The following CREB3L2 variants were observed in gnomAD, a reference collection of about 807,000 sequenced individuals.
The protein encoded by CREB3L2 is cyclic AMP-responsive element-binding protein 3-like protein 2.
Under a neutral mutation model 57.2 loss-of-function variants are expected in CREB3L2, and 23 were observed. That is an observed-to-expected ratio of 0.40 (90% confidence interval 0.29 to 0.57). The LOEUF (loss-of-function observed/expected upper bound fraction) is 0.57. Ranked by LOEUF, CREB3L2 falls within the 20% of genes least tolerant of loss-of-function variation. The pLI, the probability that CREB3L2 is intolerant of heterozygous loss-of-function variation, is 0.42. For missense variants in CREB3L2, 628 were observed against 634.7 expected (o/e 0.99, Z 0.11); for synonymous variants, 268 against 265.1 (o/e 1.01, Z -0.11).
intron 1 of CREB3L2, among the ~76,000 whole-genome samples, chr7:137,979,507 C>T (rs935674555): frequency 1.3e-5 from 2 of 152,076 alleles, no homozygotes; most frequent in East Asian, 1.9e-4. Context: ...GGGCGGATCA[C>T]GAGGTCAGGA....
At chr7:137,987,971 C>T (rs1801820195) in intron 1 of CREB3L2, among the ~76,000 whole-genome samples, 1 of 152,242 alleles carries the variant, frequency 6.6e-6, no homozygotes, top group African/African-American at 2.4e-5. Context: ...ATTTAATTCA[C>T]CACACAGCTA....
At chr7:137,939,379 C>T (rs140694561) in intron 1 of CREB3L2, among the ~76,000 whole-genome samples, 2 of 152,228 alleles carry the variant, frequency 1.3e-5, no homozygotes, top group African/African-American at 4.8e-5. Flanking sequence ...GGACTTGGAG[C>T]TCAGATTTCT....
intron 7 of CREB3L2, among the ~76,000 whole-genome samples, chr7:137,903,700 G>A (rs890472633): frequency 6.6e-6 from 1 of 152,222 alleles, no homozygotes; most frequent in African/African-American, 2.4e-5. Flanking sequence ...TTGAAAAGAA[G>A]TCTGTGAGGA....
chr7:137,908,542 T>G (rs1799940829), intron 4 of CREB3L2, 106 bp from the exon 5 acceptor site: 3 of 730,800 alleles, frequency 4.1e-6, no homozygotes, highest in Non-Finnish European at 5.7e-6. Flanking sequence ...TGAGCTGACC[T>G]GGACAGATCT....
intron 2 of CREB3L2, among the ~76,000 whole-genome samples, chr7:137,917,401 T>A (rs1800162119): frequency 6.6e-6 from 1 of 152,212 alleles, no homozygotes; most frequent in Non-Finnish European, 1.5e-5. Context: ...AAGGCAACGT[T>A]CCTTAGCTGA....
At position 137,980,479 on chromosome 7, in the gene CREB3L2, T is replaced by C. The variant is rs1801695057; in HGVS notation, c.102+21125A>G. ...CTGAGTTATGCAAGTGACCACAGGC[T>C]CAGTTAAAAAGGTTCCAAACTGGTG... is the stretch of plus-strand genomic sequence containing the variant. On this transcript the variant is annotated intron_variant, in intron 1 of 11. Transcript: ENST00000330387. The surrounding 1 kb of genome is among the most constrained non-coding windows in gnomAD (Gnocchi z 4.3). Among the ~76,000 whole-genome samples the C allele has an allele frequency of 6.6e-6, 1 of 152,170 alleles. No individual in the cohort carries two copies. Among genetic ancestry groups the C allele is most frequent in the Non-Finnish European group, 1.5e-5 (1 of 68,030 alleles).
chr7:137,950,732 T>C (rs368454659), intron 1 of CREB3L2, among the ~76,000 whole-genome samples: 27 of 152,340 alleles, frequency 1.8e-4, no homozygotes, highest in African/African-American at 6.5e-4. Context: ...AGGTGTAAGC[T>C]AGATCTCAAA....
intron 1 of CREB3L2, among the ~76,000 whole-genome samples, chr7:137,950,900 A>C (rs1230141435): frequency 6.6e-6 from 1 of 152,206 alleles, no homozygotes; most frequent in Non-Finnish European, 1.5e-5. Context: ...GTACAGTCTG[A>C]AGAATAATAC....
intron 4 of CREB3L2, among the ~76,000 whole-genome samples, chr7:137,911,371 T>C (rs1800001707): frequency 6.6e-6 from 1 of 152,246 alleles, no homozygotes; most frequent in Non-Finnish European, 1.5e-5. Context: ...AACCAAATCC[T>C]GAGTTAGTTT....
At chr7:137,905,553 C>T (rs576339503) in intron 6 of CREB3L2, 149 bp downstream of exon 6, 10 of 815,112 alleles carry the variant, frequency 1.2e-5, no homozygotes, top group Non-Finnish European at 2.1e-5. Context: ...GGTGAGGGTG[C>T]TCCTCCCAGG....
intron 8 of CREB3L2, 101 bp downstream of exon 8, chr7:137,901,253 A>G: frequency 3.9e-6 from 3 of 774,850 alleles, no homozygotes; most frequent in Admixed American, 4.2e-5. Flanking sequence ...TTTCACTGTG[A>G]CCTCCTCCAC....
intron 1 of CREB3L2, among the ~76,000 whole-genome samples, chr7:137,977,103 C>T (rs1410248016): frequency 2.6e-5 from 4 of 152,208 alleles, no homozygotes; most frequent in African/African-American, 7.2e-5. Context: ...CACTTAAACA[C>T]GGCCCCTGCC....
intron 8 of CREB3L2, among the ~76,000 whole-genome samples, chr7:137,888,344 A>G (rs913722813): frequency 1.0e-4 from 15 of 149,986 alleles, no homozygotes; most frequent in Non-Finnish European, 1.2e-4. Flanking sequence ...AATTCTACTT[A>G]AAGAAAGTTT....
intron 7 of CREB3L2, among the ~76,000 whole-genome samples, chr7:137,902,792 A>AG (rs1203328565): frequency 1.5e-5 from 1 of 64,812 alleles, no homozygotes; most frequent in African/African-American, 1.1e-4. Flanking sequence ...TTATTGTTGT[A>AG]GTTTTTTTTT....
Position 138,001,500 on chromosome 7 carries a change from T to G in CREB3L2, c.102+104A>C, listed in dbSNP as rs1357286279. Reference sequence around the variant, plus strand: ...GGACCTCTTGATTCTGACCATGCCCTGCCCCAAACCCTGCCTTCCCGGGTC... The same window carrying G: ...GGACCTCTTGATTCTGACCATGCCCGGCCCCAAACCCTGCCTTCCCGGGTC... On this transcript the variant is annotated intron_variant, in intron 1 of 11. Transcript: ENST00000330387. This position sits in a 1 kb window ranked among gnomAD's most constrained non-coding sequence, Gnocchi z 4.2. 2 of 789,798 alleles carry G rather than the reference T, an allele frequency of 2.5e-6. No individual in the cohort carries two copies. Among genetic ancestry groups the G allele is most frequent in the Admixed American group, 2.6e-5 (1 of 39,060 alleles). The allele number at this position is 789,798 out of a possible 1,614,324, so 48.9% of individuals were successfully genotyped here. A position where few individuals can be genotyped will look rare whatever the true frequency, so the allele number is the denominator to read the frequency against.
Position 137,876,844 on chromosome 7 carries a change from A to T in CREB3L2, c.*3632T>A, listed in dbSNP as rs1046213946. ...GGGGAGGATGAAGGTCTTCTAGTGC[A>T]TCTCTGCCCTCTCCGTGTTGGCAAG... On this transcript the variant is annotated 3_prime_UTR_variant, in exon 12 of 12. Coordinates refer to ENST00000330387, the MANE Select transcript of CREB3L2 (RefSeq NM_194071.4). 2.6e-5 allele frequency: 6 copies of T among 232,130 alleles called. No individual in the cohort carries two copies. Among genetic ancestry groups the T allele is most frequent in the Non-Finnish European group, 5.1e-5 (6 of 117,448 alleles). 14.4% of individuals were successfully genotyped at this position (232,130 alleles called of 1,614,324 possible). A position where few individuals can be genotyped will look rare whatever the true frequency, so the allele number is the denominator to read the frequency against.
intron 1 of CREB3L2, among the ~76,000 whole-genome samples, chr7:137,987,735 G>A (rs1006864717): frequency 2.2e-4 from 34 of 152,154 alleles, no homozygotes; most frequent in Non-Finnish European, 3.4e-4. Context: ...CCAGAGTGGC[G>A]CACAGTGGCA....
chr7:137,981,979 A>C (rs1380966331), intron 1 of CREB3L2, among the ~76,000 whole-genome samples: 2 of 152,152 alleles, frequency 1.3e-5, no homozygotes, highest in African/African-American at 2.4e-5. Flanking sequence ...ATTAGTGCCC[A>C]GCAGCAAGAG....
chr7:137,932,839 G>C (rs865885945), intron 1 of CREB3L2, among the ~76,000 whole-genome samples: 1 of 152,218 alleles, frequency 6.6e-6, no homozygotes, highest in Non-Finnish European at 1.5e-5. Context: ...ACTAGAAAAT[G>C]CCCATGCCCT....
Sources: gnomAD v4.1 joint callset for allele counts (sites outside exome capture counted in the v4.1 genomes callset) on GRCh38, gnomAD v4.1.1 for gene constraint, Gnocchi (gnomAD v3.1) non-coding constraint, MANE v1.5 for transcripts, NCBI Gene and HGNC (gene_info 2026-07-23, HGNC 2026-07-21) for gene names.